Variants in PDE1C observed in about 807,000 individuals in gnomAD.
PDE1C encodes the protein phosphodiesterase 1C, also known as dual specificity calcium/calmodulin-dependent 3',5'-cyclic nucleotide phosphodiesterase 1C.
A neutral mutation model predicts 93.1 loss-of-function variants in PDE1C; 62 were observed. The ratio of observed to expected loss-of-function variants is 0.67; its 90% CI spans 0.54 to 0.82. PDE1C has a LOEUF of 0.82. PDE1C is among the 40% of genes least tolerant of loss of function. PDE1C has a pLI of 0.00. For missense variants in PDE1C, 742 were observed against 884.6 expected (o/e 0.84, Z 2.04); for synonymous variants, 325 against 310.1 (o/e 1.05, Z -0.50).
At chr7:32,378,391 T>G (rs1784470631) in intron 1 of PDE1C, among the ~76,000 whole-genome samples, 1 of 152,156 alleles carries the variant, frequency 6.6e-6, no homozygotes, top group African/African-American at 2.4e-5. Context: ...AAGCTAACTT[T>G]GAGAGGCATT....
chr7:31,687,819 C>T, the PDE1C span, among the ~76,000 whole-genome samples: 3 of 152,162 alleles, frequency 2.0e-5, no homozygotes, highest in African/African-American at 2.4e-5. Flanking sequence ...TAACGAGATA[C>T]CACATAGGCT....
chr7:31,824,121 C>A (rs554105357), intron 13 of PDE1C, among the ~76,000 whole-genome samples: 8 of 152,232 alleles, frequency 5.3e-5, no homozygotes, highest in Non-Finnish European at 1.2e-4. Context: ...TTTTCCTATT[C>A]ATTCCACTTC....
At chr7:31,934,142 C>T (rs559577983) in intron 2 of PDE1C, among the ~76,000 whole-genome samples, 1 of 152,294 alleles carries the variant, frequency 6.6e-6, no homozygotes, top group African/African-American at 2.4e-5. Context: ...GACTTCATAT[C>T]CTTGTACCTT....
chr7:32,236,600 C>A (rs1028624113), intron 1 of PDE1C, among the ~76,000 whole-genome samples: 1 of 152,018 alleles, frequency 6.6e-6, no homozygotes, highest in Non-Finnish European at 1.5e-5. Flanking sequence ...AACCACCGTG[C>A]GATACTACTC....
chr7:32,057,021 C>T (rs1480712154), intron 1 of PDE1C, among the ~76,000 whole-genome samples: 1 of 152,234 alleles, frequency 6.6e-6, no homozygotes, highest in African/African-American at 2.4e-5. Flanking sequence ...AGCAGAGCCA[C>T]ACACTCCCCT....
intron 16 of PDE1C, among the ~76,000 whole-genome samples, chr7:31,798,715 A>AG (rs1383286786): frequency 2.0e-5 from 3 of 151,704 alleles, no homozygotes; most frequent in Non-Finnish European, 4.4e-5. Flanking sequence ...TTCTATATCA[A>AG]GGGGGTATAA....
intron 1 of PDE1C, among the ~76,000 whole-genome samples, chr7:32,210,628 C>A (rs1423879306): frequency 1.3e-5 from 2 of 152,102 alleles, no homozygotes; most frequent in Non-Finnish European, 2.9e-5. Flanking sequence ...TTAATGGATT[C>A]CATCTCAGTA....
At chr7:32,367,544 T>G (rs1247300189) in intron 1 of PDE1C, among the ~76,000 whole-genome samples, 2 of 152,112 alleles carry the variant, frequency 1.3e-5, no homozygotes, top group Non-Finnish European at 2.9e-5. Flanking sequence ...ACAGACAGGC[T>G]GAAAGTAAAG....
intron 3 of PDE1C, among the ~76,000 whole-genome samples, chr7:32,083,919 G>C (rs1055150889): frequency 3.3e-5 from 5 of 151,238 alleles, no homozygotes; most frequent in Admixed American, 3.3e-4. Flanking sequence ...AAAGACCATC[G>C]AGACTAGGAA....
At chr7:32,049,447 A>C (rs2128681974) in intron 2 of PDE1C, among the ~76,000 whole-genome samples, 1 of 152,216 alleles carries the variant, frequency 6.6e-6, no homozygotes, top group African/African-American at 2.4e-5. Context: ...TGAAGCCATG[A>C]TTTTTAGTTT....
At chr7:32,086,869 A>G (rs7805250) in intron 3 of PDE1C, among the ~76,000 whole-genome samples, 134,457 of 151,458 alleles carry the variant, frequency 0.89, 59,974 homozygotes, top group African/African-American at 0.95. Context: ...CGGATTAAAG[A>G]CTTACATGTT....
chr7:32,074,949 T>C (rs1299187790), upstream of PDE1C, among the ~76,000 whole-genome samples: 1 of 152,194 alleles, frequency 6.6e-6, no homozygotes, highest in East Asian at 1.9e-4. Context: ...GGCTCTCTCC[T>C]ATAGATGTCA....
At chr7:32,112,785 A>T (rs1798715660) in intron 3 of PDE1C, among the ~76,000 whole-genome samples, 1 of 149,866 alleles carries the variant, frequency 6.7e-6, no homozygotes. Context: ...GATTACATAT[A>T]AAACATATAT....
chr7:31,914,735 C>A lies in PDE1C; in HGVS notation c.129-33875G>T, dbSNP rs116750816. Reference sequence around the variant, plus strand: ...ACACAGACAATTATAACATGATTATCTTGAATTTTTTCTTCTATTTTAAAT... The same window carrying A: ...ACACAGACAATTATAACATGATTATATTGAATTTTTTCTTCTATTTTAAAT... On this transcript the variant is annotated intron_variant, in intron 2 of 17. Transcript: ENST00000396191. Among the ~76,000 whole-genome samples the A allele has an allele frequency of 5.5e-3, 840 of 152,244 alleles. 5 individuals carry two copies. The highest frequency in any genetic ancestry group is 0.019 in the African/African-American group (810 of 41,562).
upstream of PDE1C, chr7:32,071,065 G>C: frequency 2.0e-6 from 2 of 985,466 alleles, no homozygotes; most frequent in Non-Finnish European, 2.4e-6. Context: ...TGTCACCGCG[G>C]GCGCGGAGGG....
intron 2 of PDE1C, among the ~76,000 whole-genome samples, chr7:31,930,161 A>G (rs1040856979): frequency 3.3e-5 from 5 of 152,228 alleles, no homozygotes; most frequent in Admixed American, 1.3e-4. Context: ...AGAAAAATCT[A>G]GAAGAAATGG....
At chr7:32,349,633 A>G (rs994912317) in intron 1 of PDE1C, among the ~76,000 whole-genome samples, 1 of 148,966 alleles carries the variant, frequency 6.7e-6, no homozygotes, top group South Asian at 2.1e-4. Context: ...TAAAGTTGAA[A>G]TTTTTTTTTT....
chr7:31,906,878 T>C (rs1800660673), intron 2 of PDE1C, among the ~76,000 whole-genome samples: 2 of 152,306 alleles, frequency 1.3e-5, no homozygotes, highest in Admixed American at 6.5e-5. Context: ...AAATAATGTA[T>C]GTAGAGAGGT....
intron 1 of PDE1C, among the ~76,000 whole-genome samples, chr7:32,309,752 C>T (rs113822114): frequency 0.043 from 6,535 of 152,130 alleles, 196 homozygotes; most frequent in African/African-American, 0.081. Context: ...GAAGGAAGCA[C>T]TAAACATGGA....
Sources: gnomAD v4.1 joint callset for allele counts (sites outside exome capture counted in the v4.1 genomes callset) on GRCh38, gnomAD v4.1.1 for gene constraint, MANE v1.5 for transcripts, NCBI Gene and HGNC (gene_info 2026-07-23, HGNC 2026-07-21) for gene names.